Variants in CEP152 observed in about 807,000 individuals in gnomAD.
The protein encoded by CEP152 is centrosomal protein of 152 kDa.
Under a neutral mutation model 188.9 loss-of-function variants are expected in CEP152, and 132 were observed. That is an observed-to-expected ratio of 0.70 (90% confidence interval 0.61 to 0.81). The LOEUF (loss-of-function observed/expected upper bound fraction) is 0.81. CEP152 is among the 30% of genes least tolerant of loss of function. The pLI, the probability that CEP152 is intolerant of heterozygous loss-of-function variation, is 0.00. For synonymous variants in CEP152, 649 were observed against 666.6 expected (o/e 0.97, Z 0.41); for missense variants, 1,914 against 1,969.8 (o/e 0.97, Z 0.54).
intron 5 of CEP152, 129 bp from the exon 6 acceptor site, chr15:48,796,289 T>TACACACAC (rs3074978): frequency 1.5e-4 from 85 of 549,010 alleles, no homozygotes; most frequent in Non-Finnish European, 6.8e-5. Context: ...TTTATATATA[T>TACACACAC]ACACACACAC....
At chr15:48,767,252 T>C (rs913006066) in intron 16 of CEP152, 60 bp from the exon 17 acceptor site, 1 of 1,613,836 alleles carries the variant, frequency 6.2e-7, no homozygotes, top group Non-Finnish European at 8.5e-7. Flanking sequence ...AAGAGCTGCA[T>C]AACAAACAAT....
At chr15:48,795,785 C>T (rs1431299256) in intron 6 of CEP152, among the ~76,000 whole-genome samples, 1 of 152,140 alleles carries the variant, frequency 6.6e-6, no homozygotes, top group East Asian at 1.9e-4. Context: ...CCAACATTAC[C>T]CCTCAACAGC....
At chr15:48,801,770 G>C (rs1228726126) in intron 2 of CEP152, among the ~76,000 whole-genome samples, 1 of 152,128 alleles carries the variant, frequency 6.6e-6, no homozygotes, top group Non-Finnish European at 1.5e-5. Flanking sequence ...CAACTGAGAG[G>C]CTTATAACAA....
At chr15:48,781,929 G>A (rs575556615) in intron 11 of CEP152, among the ~76,000 whole-genome samples, 1 of 152,172 alleles carries the variant, frequency 6.6e-6, no homozygotes, top group Non-Finnish European at 1.5e-5. Context: ...AGGCAAGCTG[G>A]CAGGAAGTGC....
At chr15:48,798,580 G>C (rs1433086869) in intron 2 of CEP152, among the ~76,000 whole-genome samples, 1 of 152,158 alleles carries the variant, frequency 6.6e-6, no homozygotes, top group African/African-American at 2.4e-5. Flanking sequence ...AATTAGTAGA[G>C]AGCCATCTAA....
Position 48,766,928 on chromosome 15 carries a change from A to G in CEP152, c.2280+132T>C, listed in dbSNP as rs1895154781. The G allele has an allele frequency of 3.3e-6, 4 of 1,207,936 alleles. No homozygotes were observed. In the South Asian group the frequency reaches 4.9e-5, roughly 15 times the overall value. The allele number at this position is 1,207,936 out of a possible 1,614,324, so 74.8% of individuals were successfully genotyped here. A position where few individuals can be genotyped will look rare whatever the true frequency, so the allele number is the denominator to read the frequency against. On this transcript the variant is annotated intron_variant, in intron 17 of 26. Coordinates refer to ENST00000380950, the MANE Select transcript of CEP152 (RefSeq NM_001194998.2). ...TATTTGTGAGCTATATGAGTGTGAT[A>G]CAGCCAAAAGTAAAGAGAACATATG...
intron 20 of CEP152, among the ~76,000 whole-genome samples, chr15:48,754,934 G>C (rs1015529464): frequency 2.0e-5 from 3 of 151,830 alleles, no homozygotes; most frequent in Admixed American, 6.6e-5. Flanking sequence ...CTCAATCCTG[G>C]CCTTGAAACT....
intron 13 of CEP152, 31 bp from the exon 14 acceptor site, chr15:48,769,112 G>A (rs753527153): frequency 6.4e-7 from 1 of 1,564,272 alleles, no homozygotes; most frequent in African/African-American, 1.4e-5. Context: ...AGTTTTACAA[G>A]TTTTAAAAAA....
At chr15:48,759,162 C>T (rs528687113) in intron 19 of CEP152, among the ~76,000 whole-genome samples, 2 of 152,096 alleles carry the variant, frequency 1.3e-5, no homozygotes, top group Non-Finnish European at 2.9e-5. Flanking sequence ...AAAAACAAAA[C>T]ATATTTCAAC....
In CEP152 at chr15:48,738,398, G is replaced by T; in HGVS notation, c.4984C>A (p.His1662Asn). The change falls in exon 27 of 27, where the codon CAT (histidine) becomes AAT (asparagine). Residue 1662 changes from histidine (H) to asparagine (N), a missense_variant. His to Asn is a moderately conservative substitution (Grantham distance 68). Coordinates refer to ENST00000380950, the MANE Select transcript of CEP152 (RefSeq NM_001194998.2). Reference sequence around the variant, plus strand: ...TCTGACTTTAATCTATCAGCCTTATGACGAGATGGGTGTCCACAATTCACA... The same window carrying T: ...TCTGACTTTAATCTATCAGCCTTATTACGAGATGGGTGTCCACAATTCACA... ...ISVNCGHPSR[H>N]KADRLKSDFK... The T allele has an allele frequency of 6.2e-7, 1 of 1,614,176 alleles. No homozygotes were observed. Among genetic ancestry groups the T allele is most frequent in the Non-Finnish European group, 8.5e-7 (1 of 1,180,004 alleles).
chr15:48,748,667 TAAAAA>T (rs34352957), intron 21 of CEP152, 57 bp from the exon 22 acceptor site: 10 of 1,070,464 alleles, frequency 9.3e-6, no homozygotes, highest in East Asian at 6.9e-5. Context: ...GAACTATCAT[TAAAAA>T]AAAAAAAAAA....
chr15:48,738,519 C>T lies in CEP152; in HGVS notation c.4863G>A (p.Glu1621=). The change falls in exon 27 of 27, where the codon GAG becomes GAA. Residue 1621 remains glutamate, a synonymous_variant. Transcript: ENST00000380950. ...TTGTTTGACAAATCATATTACTTTC[C>T]TCTGTATCTGAAAGATAACCGGATG... ...FSPSGYLSDT[E]ESNMICQTMK... 3 of 1,614,192 alleles carry T rather than the reference C, an allele frequency of 1.9e-6. No individual in the cohort carries two copies. The highest frequency in any genetic ancestry group is 4.5e-5 in the East Asian group (2 of 44,886).
At chr15:48,752,497 G>C (rs1893950971) in intron 20 of CEP152, 28 bp from the exon 21 acceptor site, 3 of 1,611,002 alleles carry the variant, frequency 1.9e-6, no homozygotes, top group Middle Eastern at 4.1e-4. Context: ...CAAAGTTAAT[G>C]CTTAGTAAAA....
At chr15:48,734,132 A>G (rs1176498007), downstream of CEP152, among the ~76,000 whole-genome samples, 1 of 151,918 alleles carries the variant, frequency 6.6e-6, no homozygotes, top group East Asian at 1.9e-4. Context: ...CATTTCTTCT[A>G]TTAAATTCTT....
In CEP152 at chr15:48,744,342, A is replaced by T; in HGVS notation, c.3733T>A (p.Ser1245Thr). The T allele has an allele frequency of 1.2e-6, 2 of 1,614,082 alleles. No individual in the cohort carries two copies. The highest frequency in any genetic ancestry group is 4.5e-5 in the East Asian group (2 of 44,848). Residue 1245 changes from serine (S) to threonine (T), a missense_variant and splice_region_variant, in exon 24 of 27, where the codon TCA (serine) becomes ACA (threonine). Ser to Thr is a moderately conservative substitution (Grantham distance 58, BLOSUM62 1). Transcript: ENST00000380950. ...TTTTCAATGGCCCCTGCTGACAATG[A>T]CCTAAAAAACAAACCAAAGATTACA... ...LQTLCKTPPR[S>T]LSAGAIENAC...
rs199777941 is a variant in CEP152, at chr15:48,744,295, C to A, written c.3780G>T (p.Gly1260=). The A allele has an allele frequency of 4.3e-6, 7 of 1,613,970 alleles. No homozygotes were observed. The highest frequency in any genetic ancestry group is 5.9e-6 in the Non-Finnish European group (7 of 1,179,956). Residue 1260 remains glycine (G), a synonymous_variant, in exon 24 of 27, where the codon GGG becomes GGT. Coordinates refer to ENST00000380950, the MANE Select transcript of CEP152 (RefSeq NM_001194998.2). ...GCCCACGAAGTTCTTCCAAGGCTCC[C>A]CCACTGCATGGCAGGCAAGCATTTT... The part of the protein sequence containing the change: ...AIENACLPCS[G]GALEELRGQY...
rs748173766 is a variant in CEP152, at chr15:48,738,716, C to A, written c.4666G>T (p.Asp1556Tyr). ...TCTTTTACTGGAGGTTCCTGAACAT[C>A]CAAACCTTGACTTTTCTCAGATGCA... The part of the protein sequence containing the change: ...NAASEKSQGL[D>Y]VQEPPVKDGG... The change falls in exon 27 of 27, where the codon GAT becomes TAT. Residue 1556 changes from aspartate (D) to tyrosine (Y), a missense_variant. By Grantham distance (160) the Asp-to-Tyr change is radical (BLOSUM62 -3). Transcript: ENST00000380950. 7.4e-6 allele frequency: 12 copies of A among 1,614,174 alleles called. No homozygotes were observed. Among genetic ancestry groups the A allele is most frequent in the Non-Finnish European group, 1.0e-5 (12 of 1,180,016 alleles).
intron 12 of CEP152, among the ~76,000 whole-genome samples, chr15:48,780,551 G>A (rs970348410): frequency 6.6e-6 from 1 of 152,094 alleles, no homozygotes; most frequent in Non-Finnish European, 1.5e-5. Context: ...ATAAACAAAA[G>A]GGTGGTGGTA....
At chr15:48,769,224 A>G in intron 13 of CEP152, 143 bp from the exon 14 acceptor site, 1 of 648,326 alleles carries the variant, frequency 1.5e-6, no homozygotes, top group Non-Finnish European at 2.6e-6. Context: ...ATATAACTAC[A>G]GCACAATCAT....
Sources: allele counts gnomAD v4.1 joint callset (sites outside exome capture counted in the v4.1 genomes callset), GRCh38; gene constraint gnomAD v4.1.1; transcripts MANE v1.5; gene names NCBI Gene and HGNC (gene_info 2026-07-23, HGNC 2026-07-21).